The following ADGRB1 variants were observed in gnomAD, a reference collection of about 807,000 sequenced individuals.
ADGRB1 encodes adhesion G protein-coupled receptor B1.
ADGRB1 carries 36 observed loss-of-function variants against 175.7 expected under a neutral mutation model. The ratio of observed to expected loss-of-function variants is 0.20; its 90% CI spans 0.16 to 0.27. The LOEUF (loss-of-function observed/expected upper bound fraction) is 0.27. Among genes scored for constraint, ADGRB1 ranks in the 10% least tolerant of loss-of-function variants. The pLI is 1.00. For missense variants in ADGRB1, 1,731 were observed against 2,255.3 expected (o/e 0.77, Z 4.71); for synonymous variants, 1,054 against 979.4 (o/e 1.08, Z -1.42).
intron 18 of ADGRB1, among the ~76,000 whole-genome samples, chr8:142,516,059 T>C (rs1263466119): frequency 1.3e-5 from 2 of 152,222 alleles, no homozygotes; most frequent in African/African-American, 4.8e-5. Flanking sequence ...GAGGCACAGC[T>C]GGAGCCGTGG....
In ADGRB1 at chr8:142,484,649, C is replaced by A; in HGVS notation, c.2200-7C>A. 6.2e-7 allele frequency: 1 copy of A among 1,606,048 alleles called. No homozygotes were observed. Among genetic ancestry groups the A allele is most frequent in the Non-Finnish European group, 8.5e-7 (1 of 1,177,082 alleles). On this transcript the variant is annotated splice_polypyrimidine_tract_variant and splice_region_variant and intron_variant, in intron 12 of 30. Transcript: ENST00000517894. ...CTCCCTCGGCTGCTCACCCCCCTGCCCTCCAGGCGGGCCCCAACGCCAAGG... is the reference window on the plus strand; with the variant it reads ...CTCCCTCGGCTGCTCACCCCCCTGCACTCCAGGCGGGCCCCAACGCCAAGG...
intron 2 of ADGRB1, among the ~76,000 whole-genome samples, chr8:142,468,863 G>T (rs1587268337): frequency 2.0e-5 from 3 of 152,202 alleles, no homozygotes; most frequent in African/African-American, 7.2e-5. Context: ...CTTATTTGTT[G>T]TGTCCACTTC....
At chr8:142,520,475 GGTTGTGTGATAA>G (rs1843760110) in intron 19 of ADGRB1, among the ~76,000 whole-genome samples, 1 of 6,994 alleles carries the variant, frequency 1.4e-4, no homozygotes, top group Non-Finnish European at 1.0e-3. Flanking sequence ...TGGTGGTGAT[GGTTGTGTGATAA>G]TGGTGATGGT....
chr8:142,476,637 G>A lies in ADGRB1; in HGVS notation c.999G>A (p.Arg333=). The part of the protein sequence containing the change: ...RSQSLRSTDA[R]RREELGDELQ... ...AGTCCCTGCGGTCCACAGATGCCCG[G>A]CGGCGCGAGGAGCTGGGGGACGAGC... is the stretch of plus-strand genomic sequence containing the variant. Residue 333 remains arginine, a synonymous_variant, in exon 4 of 31, where the codon CGG becomes CGA. Transcript: ENST00000517894. 6.5e-7 allele frequency: 1 copy of A among 1,548,692 alleles called. No individual in the cohort carries two copies. The highest frequency in any genetic ancestry group is 8.7e-7 in the Non-Finnish European group (1 of 1,146,318).
intron 1 of ADGRB1, among the ~76,000 whole-genome samples, chr8:142,458,086 C>T (rs1009919456): frequency 2.1e-5 from 3 of 141,988 alleles, no homozygotes; most frequent in South Asian, 5.2e-4. Context: ...CCTTTTGTGG[C>T]TGGTGTCTGG....
chr8:142,481,432 A>AG, intron 10 of ADGRB1, 72 bp downstream of exon 10: 1 of 1,599,254 alleles, frequency 6.3e-7, no homozygotes, highest in Non-Finnish European at 8.6e-7. Context: ...GACCCTGCAG[A>AG]GGGTCCTAGG....
rs764804598 is a variant in ADGRB1 at position 142,542,122 on chromosome 8, C to T, written c.3888C>T (p.Gly1296=). Residue 1296 remains glycine, a synonymous_variant, in exon 28 of 31, where the codon GGC becomes GGT. Coordinates refer to ENST00000517894, the MANE Select transcript of ADGRB1 (RefSeq NM_001702.3). This position sits in a 1 kb window ranked among gnomAD's most constrained non-coding sequence, Gnocchi z 6.3. ...TGCACGGCTCACCCCGCTATCCCGGCGGGCCCCTGCCCGACTTCCCCAACC... is the reference window on the plus strand; with the variant it reads ...TGCACGGCTCACCCCGCTATCCCGGTGGGCCCCTGCCCGACTTCCCCAACC... ...LHLHGSPRYP[G]GPLPDFPNHS... is the part of the protein sequence containing the mutation. 50 of 1,613,390 alleles carry T rather than the reference C, an allele frequency of 3.1e-5. No homozygotes were observed. Among genetic ancestry groups the T allele is most frequent in the East Asian group, 1.3e-4 (6 of 44,884 alleles).
Position 142,476,684 on chromosome 8 carries a change from C to T in ADGRB1, c.1046C>T (p.Ala349Val), listed in dbSNP as rs780454369. The T allele has an allele frequency of 2.6e-6, 4 of 1,545,244 alleles. No homozygotes were observed. Among genetic ancestry groups the T allele is most frequent in the South Asian group, 1.2e-5 (1 of 83,826 alleles). Residue 349 changes from alanine (A) to valine (V), a missense_variant, in exon 4 of 31, where the codon GCC (alanine) becomes GTC (valine). By Grantham distance (64) the Ala-to-Val change is moderately conservative (BLOSUM62 0). Coordinates refer to ENST00000517894, the MANE Select transcript of ADGRB1 (RefSeq NM_001702.3). ...GAGCTGCAGCAGTTTGGGTTCCCAGCCCCCCAGACCGGTGAGCTGGCGGGA... is the reference window on the plus strand; with the variant it reads ...GAGCTGCAGCAGTTTGGGTTCCCAGTCCCCCAGACCGGTGAGCTGGCGGGA... ...GDELQQFGFP[A>V]PQTGDPAAEE...
At chr8:142,532,291 C>T (rs1844667785) in intron 24 of ADGRB1, among the ~76,000 whole-genome samples, 1 of 152,188 alleles carries the variant, frequency 6.6e-6, no homozygotes, top group African/African-American at 2.4e-5. Flanking sequence ...GTCTGTGTTC[C>T]ACAGCCCCGG....
Position 142,520,930 on chromosome 8 carries a change from G to T in ADGRB1, c.3024+5G>T, listed in dbSNP as rs368259398. ...CAGACCCAGACCCGCAACAAGGTAG[G>T]CAGCCTTGCGTCCTGCCATGCACTT... On this transcript the variant is annotated splice_donor_5th_base_variant and intron_variant, in intron 20 of 30. Coordinates refer to ENST00000517894, the MANE Select transcript of ADGRB1 (RefSeq NM_001702.3). 3.1e-6 allele frequency: 5 copies of T among 1,609,052 alleles called. No homozygotes were observed. Among genetic ancestry groups the T allele is most frequent in the Non-Finnish European group, 4.3e-6 (5 of 1,175,768 alleles).
intron 18 of ADGRB1, among the ~76,000 whole-genome samples, chr8:142,513,696 T>G (rs1411161648): frequency 2.6e-5 from 4 of 151,806 alleles, no homozygotes; most frequent in African/African-American, 9.7e-5. Context: ...CTGAGTGTGG[T>G]GTGGGGAGAA....
chr8:142,460,410 A>C (rs917528088), intron 1 of ADGRB1, among the ~76,000 whole-genome samples: 11 of 152,148 alleles, frequency 7.2e-5, no homozygotes, highest in Non-Finnish European at 1.3e-4. Context: ...TCTCAAATTC[A>C]TATCAGCTGG....
chr8:142,479,657 C>A (rs1468132294), intron 8 of ADGRB1, 36 bp from the exon 9 acceptor site: 4 of 1,599,734 alleles, frequency 2.5e-6, no homozygotes, highest in Non-Finnish European at 2.6e-6. Flanking sequence ...GCTCTCAGTA[C>A]CCCTTCCTGA....
Position 142,544,431 on chromosome 8 carries a change from G to A in ADGRB1, c.*14G>A, listed in dbSNP as rs947440578. 5.5e-5 allele frequency: 81 copies of A among 1,460,334 alleles called. No individual in the cohort carries two copies. The highest frequency in any genetic ancestry group is 6.7e-5 in the Non-Finnish European group (74 of 1,105,936). The allele number at this position is 1,460,334 out of a possible 1,614,324, so 90.5% of individuals were successfully genotyped here. A position where few individuals can be genotyped will look rare whatever the true frequency, so the allele number is the denominator to read the frequency against. Reference sequence around the variant, plus strand: ...ACCGAGGTCTGAGCGGGTGGGCGGCGGCCACGCACTGGGCCACGGAGGAGG... The same window carrying A: ...ACCGAGGTCTGAGCGGGTGGGCGGCAGCCACGCACTGGGCCACGGAGGAGG... On this transcript the variant is annotated 3_prime_UTR_variant, in exon 31 of 31. Coordinates refer to ENST00000517894, the MANE Select transcript of ADGRB1 (RefSeq NM_001702.3).
In ADGRB1 at chr8:142,510,322, CAGG is replaced by C. The variant is rs1843017075; in HGVS notation, c.2676-607_2676-605del. 1.3e-5 allele frequency among the ~76,000 whole-genome samples: 2 copies of C among 151,486 alleles called. No homozygotes were observed. The highest frequency in any genetic ancestry group is 2.9e-5 in the Non-Finnish European group (2 of 67,804). Reference sequence around the variant, plus strand: ...CCCGCGGGGAAGGCTGTGTCTGTCCCAGGAGATGAGCCGCAGGCACCAGGGGTG... The same window carrying C: ...CCCGCGGGGAAGGCTGTGTCTGTCCCAGATGAGCCGCAGGCACCAGGGGTG... On this transcript the variant is annotated intron_variant, in intron 17 of 30. Coordinates refer to ENST00000517894, the MANE Select transcript of ADGRB1 (RefSeq NM_001702.3). The surrounding 1 kb of genome is among the most constrained non-coding windows in gnomAD (Gnocchi z 6.3).
chr8:142,514,409 G>T (rs1245315028), intron 18 of ADGRB1, among the ~76,000 whole-genome samples: 1 of 152,202 alleles, frequency 6.6e-6, no homozygotes, highest in African/African-American at 2.4e-5. Flanking sequence ...ACGACGGCCG[G>T]AAGGTTGAGT....
rs773684290 is a variant in ADGRB1, at chr8:142,471,880, G to A, written c.785-3594G>A. Among the ~76,000 whole-genome samples the A allele has an allele frequency of 4.6e-5, 7 of 152,350 alleles. No individual in the cohort carries two copies. The East Asian group carries it at 7.7e-4, about 17-fold the overall frequency. ...CACCCTCCGGGGCCCTCCCTTCCAC[G>A]TCCGTGCAGGGGGCCCTGGTCTAGG... On this transcript the variant is annotated intron_variant, in intron 2 of 30. Coordinates refer to ENST00000517894, the MANE Select transcript of ADGRB1 (RefSeq NM_001702.3).
At chr8:142,481,739 G>T in intron 11 of ADGRB1, 28 bp downstream of exon 11, 2 of 1,493,910 alleles carry the variant, frequency 1.3e-6, no homozygotes, top group Non-Finnish European at 1.8e-6. Context: ...CATTTTGGAA[G>T]AGGGTGTCGG....
At chr8:142,497,296 G>T (rs1842264750) in intron 17 of ADGRB1, among the ~76,000 whole-genome samples, 2 of 152,158 alleles carry the variant, frequency 1.3e-5, no homozygotes, top group Non-Finnish European at 2.9e-5. Flanking sequence ...CCCTGCCCAA[G>T]CGAGCATCCT....
Sources: gnomAD v4.1 joint callset for allele counts (sites outside exome capture counted in the v4.1 genomes callset) on GRCh38, gnomAD v4.1.1 for gene constraint, Gnocchi (gnomAD v3.1) non-coding constraint, MANE v1.5 for transcripts, NCBI Gene and HGNC (gene_info 2026-07-23, HGNC 2026-07-21) for gene names.